JAK1: variants seen among roughly 807,000 people sequenced by gnomAD.
JAK1 encodes the protein Janus kinase 1.
A neutral mutation model predicts 136.6 loss-of-function variants in JAK1; 16 were observed. The ratio of observed to expected loss-of-function variants is 0.12; its 90% CI spans 0.08 to 0.18. JAK1 has a LOEUF of 0.18. Ranked by LOEUF, JAK1 falls within the 10% of genes least tolerant of loss-of-function variation. JAK1 has a pLI of 1.00. For synonymous variants in JAK1, 492 were observed against 519.5 expected (o/e 0.95, Z 0.72); for missense variants, 859 against 1,450.1 (o/e 0.59, Z 6.62).
chr1:64,854,430 A>T (rs953052714), intron 11 of JAK1, among the ~76,000 whole-genome samples: 16 of 152,176 alleles, frequency 1.1e-4, no homozygotes, highest in African/African-American at 3.9e-4. Flanking sequence ...GGTGAGGAGC[A>T]GCAAAATAAA....
At chr1:64,918,594 C>T in intron 1 of JAK1, 1 of 173,432 alleles carries the variant, frequency 5.8e-6, no homozygotes, top group Non-Finnish European at 1.3e-5. Flanking sequence ...GACCCAGGGC[C>T]CTGGAATAAA....
Position 64,883,352 on chromosome 1 carries a change from C to A in JAK1, c.130G>T (p.Asp44Tyr), listed in dbSNP as rs1423947609. The change falls in exon 3 of 25, where the codon GAC (aspartate) becomes TAC (tyrosine). Residue 44 changes from aspartate to tyrosine, a missense_variant. By Grantham distance (160) the Asp-to-Tyr change is radical (BLOSUM62 -3). This residue lies in a region of JAK1 where 353 missense variants were observed against 494.0 expected (regional missense o/e 0.71). Coordinates refer to ENST00000342505, the MANE Select transcript of JAK1 (RefSeq NM_002227.4). ...PGVEVIFYLS[D>Y]REPLRLGSGE... ...CTGCCCAGCCGGAGGGGCTCCCTGT[C>A]CGACAGATAGAAGATCACTTCCACC... 6.2e-7 allele frequency: 1 copy of A among 1,614,062 alleles called. No homozygotes were observed. The highest frequency in any genetic ancestry group is 1.3e-5 in the African/African-American group (1 of 74,930).
intron 20 of JAK1, 140 bp downstream of exon 20, chr1:64,839,463 A>T: frequency 3.0e-6 from 2 of 667,398 alleles, no homozygotes; most frequent in Non-Finnish European, 5.0e-6. Context: ...ATGACTTGGA[A>T]GCCTTGAGAG....
At chr1:65,002,765 C>G (rs12049324) in intron 2 of JAK1, among the ~76,000 whole-genome samples, 1 of 152,234 alleles carries the variant, frequency 6.6e-6, no homozygotes, top group Non-Finnish European at 1.5e-5. Context: ...GCCCGGACTT[C>G]CCCGCCACGA....
intron 2 of JAK1, among the ~76,000 whole-genome samples, chr1:65,028,268 C>G (rs185608877): frequency 3.9e-5 from 6 of 152,164 alleles, no homozygotes; most frequent in African/African-American, 9.6e-5. Flanking sequence ...TATTCTCCTT[C>G]CCAGTGTTAT....
At chr1:64,975,263 A>C (rs930701619) in intron 2 of JAK1, among the ~76,000 whole-genome samples, 2 of 152,140 alleles carry the variant, frequency 1.3e-5, no homozygotes, top group African/African-American at 4.8e-5. Context: ...ACCCCAAAAG[A>C]ACTGACCAGC....
Position 64,844,336 on chromosome 1 carries a change from A to C in JAK1, c.2252-121T>G. Reference sequence around the variant, plus strand: ...ACTACTTCAAGCAGTGTGCCCAAACATGGCCCATGGCCACATAGGCCCTGT... The same window carrying C: ...ACTACTTCAAGCAGTGTGCCCAAACCTGGCCCATGGCCACATAGGCCCTGT... On this transcript the variant is annotated intron_variant, in intron 16 of 24. Transcript: ENST00000342505. The surrounding 1 kb of genome is among the most constrained non-coding windows in gnomAD (Gnocchi z 5.7). 1.8e-5 allele frequency: 23 copies of C among 1,265,694 alleles called. No homozygotes were observed. Among genetic ancestry groups the C allele is most frequent in the Non-Finnish European group, 2.5e-5 (22 of 882,048 alleles). The allele number at this position is 1,265,694 out of a possible 1,614,324, so 78.4% of individuals were successfully genotyped here. A position where few individuals can be genotyped will look rare whatever the true frequency, so the allele number is the denominator to read the frequency against.
chr1:64,977,142 T>TTTGA (rs1228599423), intron 2 of JAK1, among the ~76,000 whole-genome samples: 1 of 145,360 alleles, frequency 6.9e-6, no homozygotes, highest in Non-Finnish European at 1.5e-5. Context: ...CTTCATCTTG[T>TTTGA]TTGTTTGTTT....
At chr1:64,901,548 A>C (rs1265315935) in intron 1 of JAK1, among the ~76,000 whole-genome samples, 1 of 152,174 alleles carries the variant, frequency 6.6e-6, no homozygotes. Context: ...AACTCAAAAA[A>C]CCAACCAGAT....
At chr1:64,913,655 A>AAGGAAGGAAGGAAGGAAGGAAG (rs1553168149) in intron 1 of JAK1, among the ~76,000 whole-genome samples, 3 of 34,484 alleles carry the variant, frequency 8.7e-5, no homozygotes, top group South Asian at 1.9e-3. Context: ...AAGGAAGGAA[A>AAGGAAGGAAGGAAGGAAGGAAG]GAAGGAAGGA....
chr1:64,929,455 T>C (rs1281954768), intron 1 of JAK1, among the ~76,000 whole-genome samples: 2 of 152,202 alleles, frequency 1.3e-5, no homozygotes, highest in African/African-American at 2.4e-5. Context: ...TTTTCTATAC[T>C]GCAAACAAAA....
chr1:64,982,912 AC>A, intron 2 of JAK1, among the ~76,000 whole-genome samples: 1 of 152,158 alleles, frequency 6.6e-6, no homozygotes, highest in East Asian at 1.9e-4. Context: ...CTTACTGTCC[AC>A]CCGCTGTTTG....
intron 2 of JAK1, among the ~76,000 whole-genome samples, chr1:65,039,527 T>C (rs1392023848): frequency 1.3e-5 from 2 of 152,220 alleles, no homozygotes; most frequent in East Asian, 1.9e-4. Flanking sequence ...TGTAAGCTAC[T>C]ACAGTCAATA....
rs370434553 is a variant in JAK1 at position 64,835,428 on chromosome 1, G to A, written c.3337C>T (p.Arg1113Cys). The change falls in exon 24 of 25, where the codon CGC becomes TGC. Residue 1113 changes from arginine (R) to cysteine (C), a missense_variant. Transcript: ENST00000342505. The stretch of plus-strand genomic sequence containing the variant: ...GGACAGTTAGGTGGGCACGGCAGGC[G>A]TTTTCCTTCTTTTAACGTATTCACA... ...RLVNTLKEGK[R>C]LPCPPNCPDE... 33 of 1,608,576 alleles carry A rather than the reference G, an allele frequency of 2.1e-5. No homozygotes were observed. Among genetic ancestry groups the A allele is most frequent in the African/African-American group, 4.0e-5 (3 of 74,392 alleles).
chr1:64,854,822 T>C (rs1461197815), intron 11 of JAK1, among the ~76,000 whole-genome samples: 1 of 151,852 alleles, frequency 6.6e-6, no homozygotes, highest in African/African-American at 2.4e-5. Context: ...TCACCTTCCT[T>C]CCACCTTCAC....
At position 64,966,447 on chromosome 1, in the gene JAK1, C is replaced by T. The variant is rs1409792443; in HGVS notation, c.-192G>A. On this transcript the variant is annotated 5_prime_UTR_variant, in exon 1 of 25. Transcript: ENST00000342505. Reference sequence around the variant, plus strand: ...GGCCCCAGCGTGCGCGCGCCCAGGGCTGAGGAGGGGTCGCGGCGAGGACAG... The same window carrying T: ...GGCCCCAGCGTGCGCGCGCCCAGGGTTGAGGAGGGGTCGCGGCGAGGACAG... The T allele has an allele frequency of 6.6e-6, 1 of 151,140 alleles. No homozygotes were observed. The highest frequency in any genetic ancestry group is 1.5e-5 in the Non-Finnish European group (1 of 67,768). The allele number at this position is 151,140 out of a possible 1,614,324, so 9.4% of individuals were successfully genotyped here. A position where few individuals can be genotyped will look rare whatever the true frequency, so the allele number is the denominator to read the frequency against.
At chr1:64,884,724 G>A (rs1180069596) in intron 2 of JAK1, among the ~76,000 whole-genome samples, 1 of 152,040 alleles carries the variant, frequency 6.6e-6, no homozygotes, top group Non-Finnish European at 1.5e-5. Flanking sequence ...ACTTTCTTTA[G>A]AATTCAGCTC....
intron 2 of JAK1, among the ~76,000 whole-genome samples, chr1:65,014,325 G>A (rs1646874574): frequency 6.6e-6 from 1 of 151,386 alleles, no homozygotes; most frequent in African/African-American, 2.4e-5. Context: ...CAAATCCCAG[G>A]AAGAAAGGTG....
chr1:64,906,801 A>G (rs1645196719), intron 1 of JAK1, among the ~76,000 whole-genome samples: 1 of 152,224 alleles, frequency 6.6e-6, no homozygotes, highest in South Asian at 2.1e-4. Context: ...TCTTGAACCC[A>G]GATCTTTAGA....
Sources: allele counts gnomAD v4.1 joint callset (sites outside exome capture counted in the v4.1 genomes callset), GRCh38; gene constraint gnomAD v4.1.1; regional missense constraint gnomAD v4.1.1; non-coding constraint Gnocchi (gnomAD v3.1); transcripts MANE v1.5; gene names NCBI Gene and HGNC (gene_info 2026-07-23, HGNC 2026-07-21).